SPATA22: variants seen among roughly 807,000 people sequenced by gnomAD.
SPATA22 encodes the protein spermatogenesis-associated protein 22.
Under a neutral mutation model 47.8 loss-of-function variants are expected in SPATA22, and 29 were observed. The observed-to-expected ratio is 0.61, with a 90% CI of 0.45 to 0.83. The LOEUF (loss-of-function observed/expected upper bound fraction) is 0.83, where lower values mean the gene tolerates loss of function less well. Among genes scored for constraint, SPATA22 ranks in the 40% least tolerant of loss-of-function variants. The probability of loss-of-function intolerance (pLI) is 0.00; values close to 1 mark genes in which losing one functional copy is unlikely to be tolerated. For missense variants in SPATA22, 410 were observed against 421.7 expected (o/e 0.97, Z 0.24); for synonymous variants, 133 against 140.9 (o/e 0.94, Z 0.40).
upstream of SPATA22, chr17:3,472,015 T>C (rs895935969): frequency 3.3e-5 from 9 of 274,576 alleles, no homozygotes; most frequent in Non-Finnish European, 5.0e-5. Context: ...GAGACTGTCC[T>C]GTGACTGGAG....
intron 5 of SPATA22, among the ~76,000 whole-genome samples, chr17:3,458,909 CAGAT>C (rs1228918933): frequency 1.8e-5 from 2 of 114,050 alleles, no homozygotes; most frequent in African/African-American, 6.7e-5. Flanking sequence ...ATGCAAGTGA[CAGAT>C]AAATGGACTA....
chr17:3,465,085 C>G (rs866017073), intron 3 of SPATA22, among the ~76,000 whole-genome samples: 5 of 133,994 alleles, frequency 3.7e-5, no homozygotes, highest in African/African-American at 1.4e-4. Context: ...AGCCCCTCCA[C>G]CCGGCAGCCA....
upstream of SPATA22, among the ~76,000 whole-genome samples, chr17:3,473,340 G>A (rs1309000499): frequency 1.3e-5 from 2 of 152,182 alleles, no homozygotes; most frequent in African/African-American, 4.8e-5. Flanking sequence ...CATTATGTAT[G>A]AGACATCTTA....
chr17:3,483,008 AG>A (rs2073660216), intron 1 of SPATA22, among the ~76,000 whole-genome samples: 2 of 143,068 alleles, frequency 1.4e-5, no homozygotes, highest in Admixed American at 1.5e-4. Context: ...CAGATATGGA[AG>A]CAGAATTGCT....
At chr17:3,476,331 G>A (rs780293263), upstream of SPATA22, 9 of 1,614,054 alleles carry the variant, frequency 5.6e-6, 1 homozygote, top group South Asian at 5.5e-5. Flanking sequence ...CCCCAGAGCA[G>A]TGAAGAAGTG....
chr17:3,486,758 C>A (rs959209231), intron 1 of SPATA22, among the ~76,000 whole-genome samples: 5 of 152,082 alleles, frequency 3.3e-5, no homozygotes, highest in African/African-American at 1.2e-4. Context: ...AAATTAAAAT[C>A]TAAAATTATT....
At chr17:3,502,376 G>C (rs2074000373) in intron 1 of SPATA22, 3 of 152,202 alleles carry the variant, frequency 2.0e-5, no homozygotes, top group Admixed American at 2.0e-4. Flanking sequence ...TGGTGATCTG[G>C]AGCCAAGGCT....
At chr17:3,509,721 G>A (rs1443247286) in intron 1 of SPATA22, among the ~76,000 whole-genome samples, 1 of 152,130 alleles carries the variant, frequency 6.6e-6, no homozygotes, top group Non-Finnish European at 1.5e-5. Flanking sequence ...TCTGGTTGTG[G>A]ATCTTTGAGG....
chr17:3,475,157 C>CT (rs746356144), upstream of SPATA22, among the ~76,000 whole-genome samples: 1 of 152,216 alleles, frequency 6.6e-6, no homozygotes, highest in Non-Finnish European at 1.5e-5. Context: ...TTCTGGGTGA[C>CT]TGAGCATGAA....
At chr17:3,482,317 T>C (rs2073644891) in intron 1 of SPATA22, among the ~76,000 whole-genome samples, 1 of 152,192 alleles carries the variant, frequency 6.6e-6, no homozygotes, top group Non-Finnish European at 1.5e-5. Context: ...CCATTTGATT[T>C]AGACACCCCA....
At chr17:3,486,393 G>C (rs2073722175) in intron 1 of SPATA22, among the ~76,000 whole-genome samples, 1 of 152,180 alleles carries the variant, frequency 6.6e-6, no homozygotes, top group South Asian at 2.1e-4. Flanking sequence ...TTGCAGATAT[G>C]CAGAAGATCC....
chr17:3,480,297 C>T (rs990272007), intron 1 of SPATA22, among the ~76,000 whole-genome samples: 3 of 152,214 alleles, frequency 2.0e-5, no homozygotes, highest in Non-Finnish European at 2.9e-5. Flanking sequence ...GCCGGCTGTA[C>T]AGAAGGCCAG....
chr17:3,507,902 T>C (rs918674176), intron 1 of SPATA22, among the ~76,000 whole-genome samples: 1 of 152,172 alleles, frequency 6.6e-6, no homozygotes, highest in African/African-American at 2.4e-5. Flanking sequence ...GACAAGGGTT[T>C]CCACCCTTTT....
At position 3,443,246 on chromosome 17, in the gene SPATA22, A is replaced by C; in HGVS notation, c.828T>G (p.Pro276=). 1 of 1,610,630 alleles carries C rather than the reference A, an allele frequency of 6.2e-7. No individual in the cohort carries two copies. The highest frequency in any genetic ancestry group is 8.5e-7 in the Non-Finnish European group (1 of 1,178,070). ...GAAAAGTCTTCGAATAATATGGGCC[A>C]GGTGTAACAGCTGAATCAAGAACAG... ...VLAVLDSAVT[P]GPYYSKTFLM... is the part of the protein sequence containing the mutation. The change falls in exon 8 of 9, where the codon CCT becomes CCG. Residue 276 remains proline, a synonymous_variant. Coordinates refer to ENST00000572969, the MANE Select transcript of SPATA22 (RefSeq NM_001170698.2).
At chr17:3,462,800 A>G in intron 3 of SPATA22, 33 bp from the exon 4 acceptor site, 1 of 1,472,376 alleles carries the variant, frequency 6.8e-7, no homozygotes, top group Non-Finnish European at 9.5e-7. Flanking sequence ...GATAAAAGTA[A>G]GATAGGTAGT....
At position 3,485,428 on chromosome 17, in the gene SPATA22, G is replaced by A. The variant is rs1025309394; in HGVS notation, c.-73-16030C>T. 1.3e-5 allele frequency among the ~76,000 whole-genome samples: 2 copies of A among 152,112 alleles called. No individual in the cohort carries two copies. Among genetic ancestry groups the A allele is most frequent in the East Asian group, 1.9e-4 (1 of 5,196 alleles). Reference sequence around the variant, plus strand: ...AAAATACTAGCCAACCAGGAGAATCGCTTGAACCCCGGAGGTGGAGGTTGC... The same window carrying A: ...AAAATACTAGCCAACCAGGAGAATCACTTGAACCCCGGAGGTGGAGGTTGC... On this transcript the variant is annotated intron_variant, in intron 1 of 8. Transcript: ENST00000541913. This position sits in a 1 kb window ranked among gnomAD's most constrained non-coding sequence, Gnocchi z 4.4.
intron 3 of SPATA22, among the ~76,000 whole-genome samples, chr17:3,464,610 T>A (rs2073231650): frequency 7.2e-6 from 1 of 138,038 alleles, no homozygotes; most frequent in Non-Finnish European, 1.6e-5. Flanking sequence ...GTCTGAGATG[T>A]GGGGAGCACC....
intron 1 of SPATA22, among the ~76,000 whole-genome samples, chr17:3,487,298 T>C (rs962718385): frequency 3.3e-5 from 5 of 152,168 alleles, no homozygotes; most frequent in African/African-American, 1.2e-4. Context: ...TTAAACATGC[T>C]TTTTTCCCAG....
At chr17:3,450,886 A>G (rs780740177) in intron 5 of SPATA22, among the ~76,000 whole-genome samples, 3 of 152,240 alleles carry the variant, frequency 2.0e-5, no homozygotes, top group Non-Finnish European at 4.4e-5. Context: ...AAGTGAGCAC[A>G]TACTGTTGGA....
Sources: allele counts gnomAD v4.1 joint callset (sites outside exome capture counted in the v4.1 genomes callset), GRCh38; gene constraint gnomAD v4.1.1; non-coding constraint Gnocchi (gnomAD v3.1); transcripts MANE v1.5; gene names NCBI Gene and HGNC (gene_info 2026-07-23, HGNC 2026-07-21).